PREP: variants seen among roughly 807,000 people sequenced by gnomAD.
PREP encodes the protein dJ355L5.1 (prolyl endopeptidase).
Under a neutral mutation model 87.6 loss-of-function variants are expected in PREP, and 29 were observed. The observed-to-expected ratio is 0.33, with a 90% CI of 0.25 to 0.45. PREP has a LOEUF of 0.45. PREP is among the 20% of genes least tolerant of loss of function. PREP has a pLI of 1.00. For synonymous variants in PREP, 337 were observed against 328.6 expected (o/e 1.03, Z -0.28); for missense variants, 695 against 886.5 (o/e 0.78, Z 2.74).
chr6:105,398,691 A>G (rs964352124), intron 1 of PREP, among the ~76,000 whole-genome samples: 1 of 152,148 alleles, frequency 6.6e-6, no homozygotes, highest in African/African-American at 2.4e-5. Context: ...CTTAGAAGCC[A>G]CTTGAAGGCG....
chr6:105,337,729 A>G (rs1771517734), intron 7 of PREP, among the ~76,000 whole-genome samples: 1 of 152,170 alleles, frequency 6.6e-6, no homozygotes, highest in African/African-American at 2.4e-5. Flanking sequence ...CATGCCAACT[A>G]AGCAATGTAT....
chr6:105,285,602 T>C lies in PREP; in HGVS notation c.1455-22A>G, dbSNP rs568256557. The C allele has an allele frequency of 1.8e-5, 28 of 1,589,906 alleles. No individual in the cohort carries two copies. The Admixed American group carries it at 4.7e-4, about 27-fold the overall frequency. ...AACACTGAGAAGCAGTAAAAACAGT[T>C]AACCTTCCATTAACTGCCTAGTGAA... On this transcript the variant is annotated intron_variant, in intron 11 of 14. Transcript: ENST00000652536.
intron 7 of PREP, among the ~76,000 whole-genome samples, chr6:105,351,393 T>C (rs1771948694): frequency 6.6e-6 from 1 of 150,934 alleles, no homozygotes. Context: ...GAGAGCCTAG[T>C]GCACCTCTGT....
intron 2 of PREP, among the ~76,000 whole-genome samples, chr6:105,390,061 A>C (rs1424385653): frequency 6.6e-6 from 1 of 152,194 alleles, no homozygotes; most frequent in Non-Finnish European, 1.5e-5. Flanking sequence ...GATGATCAGA[A>C]GTCCTTTAAG....
chr6:105,349,739 T>G (rs1338748432), intron 7 of PREP, among the ~76,000 whole-genome samples: 1 of 152,066 alleles, frequency 6.6e-6, no homozygotes, highest in Non-Finnish European at 1.5e-5. Flanking sequence ...TTTAGTAATA[T>G]GAAATTGGAG....
At chr6:105,312,655 C>T (rs1770781545) in intron 10 of PREP, among the ~76,000 whole-genome samples, 1 of 152,196 alleles carries the variant, frequency 6.6e-6, no homozygotes. Context: ...GTATTTTCAA[C>T]TAACAGCTGA....
At chr6:105,289,422 TA>T (rs1290518899) in intron 10 of PREP, among the ~76,000 whole-genome samples, 1 of 152,194 alleles carries the variant, frequency 6.6e-6, no homozygotes, top group Non-Finnish European at 1.5e-5. Flanking sequence ...GCTGAACTAC[TA>T]AACAAATGCT....
At position 105,277,314 on chromosome 6, in the gene PREP, A is replaced by T. The variant is rs1198738926; in HGVS notation, c.*830T>A. Among the ~76,000 whole-genome samples the T allele has an allele frequency of 1.3e-5, 2 of 152,108 alleles. No individual in the cohort carries two copies. Among genetic ancestry groups the T allele is most frequent in the Non-Finnish European group, 2.9e-5 (2 of 68,018 alleles). On this transcript the variant is annotated 3_prime_UTR_variant, in exon 15 of 15. Coordinates refer to ENST00000652536, the MANE Select transcript of PREP (RefSeq NM_002726.5). ...TTTGTTTGGATAATTTACTCATGTG[A>T]TCTCTTGGAACCAAGGATCCTTGGA...
chr6:105,372,629 A>G (rs936492959), intron 5 of PREP, among the ~76,000 whole-genome samples: 1 of 152,246 alleles, frequency 6.6e-6, no homozygotes. Flanking sequence ...AGAAAGTAAC[A>G]AGGAGAAAAG....
At chr6:105,372,123 T>G (rs942426472) in intron 5 of PREP, among the ~76,000 whole-genome samples, 1 of 151,956 alleles carries the variant, frequency 6.6e-6, no homozygotes, top group African/African-American at 2.4e-5. Context: ...AAGGTCTTGA[T>G]GTAGCCTAAT....
At chr6:105,295,334 T>C (rs1770387593) in intron 10 of PREP, among the ~76,000 whole-genome samples, 1 of 152,074 alleles carries the variant, frequency 6.6e-6, no homozygotes, top group South Asian at 2.1e-4. Flanking sequence ...CATTCCTTAC[T>C]GCCTCCACTA....
Position 105,329,010 on chromosome 6 carries a change from G to A in PREP, c.1032C>T (p.Val344=). The A allele has an allele frequency of 6.2e-7, 1 of 1,613,716 alleles. No homozygotes were observed. Among genetic ancestry groups the A allele is most frequent in the Non-Finnish European group, 8.5e-7 (1 of 1,179,658 alleles). The change falls in exon 9 of 15, where the codon GTC becomes GTT. Residue 344 remains valine (V), a synonymous_variant. Transcript: ENST00000652536. ...AGCATAAGACCAAGAAGTTGGACCT[G>A]ACACAAGCTATCCATTCTGAAAGGA... is the stretch of plus-strand genomic sequence containing the variant. The part of the protein sequence containing the change: ...EKDVLEWIAC[V]RSNFLVLCYL...
intron 2 of PREP, among the ~76,000 whole-genome samples, chr6:105,388,902 T>C (rs1773069748): frequency 6.6e-6 from 1 of 152,246 alleles, no homozygotes; most frequent in Non-Finnish European, 1.5e-5. Flanking sequence ...ACTTTAAGGC[T>C]ACTGCCTTTA....
chr6:105,333,905 C>A (rs1339403217), intron 7 of PREP, among the ~76,000 whole-genome samples: 2 of 152,150 alleles, frequency 1.3e-5, no homozygotes, highest in Non-Finnish European at 2.9e-5. Context: ...ACTTTCACCC[C>A]CAGGCAACAT....
In PREP at chr6:105,276,496, C is replaced by T. The variant is rs1156457100; in HGVS notation, c.*1648G>A. Among the ~76,000 whole-genome samples the T allele has an allele frequency of 6.6e-6, 1 of 152,218 alleles. No individual in the cohort carries two copies. Among genetic ancestry groups the T allele is most frequent in the Non-Finnish European group, 1.5e-5 (1 of 68,032 alleles). ...AGTCTAGGAAAGAGGCTGCCTCTGG[C>T]TTGACCATGCAAATGTATTTTCTTT... On this transcript the variant is annotated 3_prime_UTR_variant, in exon 15 of 15. Coordinates refer to ENST00000652536, the MANE Select transcript of PREP (RefSeq NM_002726.5).
At chr6:105,284,226 T>C (rs1219964094) in intron 12 of PREP, among the ~76,000 whole-genome samples, 1 of 152,160 alleles carries the variant, frequency 6.6e-6, no homozygotes, top group African/African-American at 2.4e-5. Flanking sequence ...TTTCTGGGGA[T>C]GATAACTGGC....
chr6:105,385,155 AAAG>A (rs1308525841), intron 2 of PREP, among the ~76,000 whole-genome samples: 2 of 152,104 alleles, frequency 1.3e-5, no homozygotes, highest in African/African-American at 4.8e-5. Context: ...TCTCTACAAT[AAAG>A]GTGTTTTATG....
intron 7 of PREP, among the ~76,000 whole-genome samples, chr6:105,334,599 A>G (rs1289846028): frequency 5.3e-5 from 8 of 152,090 alleles, no homozygotes; most frequent in Non-Finnish European, 1.2e-4. Context: ...CACGCCTGTA[A>G]TCCCAGCTAC....
intron 7 of PREP, among the ~76,000 whole-genome samples, chr6:105,337,443 A>G (rs2114664010): frequency 6.6e-6 from 1 of 152,232 alleles, no homozygotes; most frequent in East Asian, 1.9e-4. Flanking sequence ...GTTTTAGGAG[A>G]ATTCACATCC....
Sources: gnomAD v4.1 joint callset for allele counts (sites outside exome capture counted in the v4.1 genomes callset) on GRCh38, gnomAD v4.1.1 for gene constraint, MANE v1.5 for transcripts, NCBI Gene and HGNC (gene_info 2026-07-23, HGNC 2026-07-21) for gene names.